The following DNAAF5 variants were observed in gnomAD, a reference collection of about 807,000 sequenced individuals.
DNAAF5 encodes dynein axonemal assembly factor 5.
Under a neutral mutation model 75.8 loss-of-function variants are expected in DNAAF5, and 64 were observed. The ratio of observed to expected loss-of-function variants is 0.84; its 90% confidence interval spans 0.69 to 1.04. DNAAF5 has a LOEUF of 1.04. DNAAF5 is among the 50% of genes least tolerant of loss of function. DNAAF5 has a pLI of 0.00. For missense variants in DNAAF5, 1,269 were observed against 1,178.5 expected (o/e 1.08, Z -1.12); for synonymous variants, 657 against 557.2 (o/e 1.18, Z -2.52).
intron 3 of DNAAF5, 56 bp from the exon 4 acceptor site, chr7:741,291 C>G: frequency 7.5e-7 from 1 of 1,326,684 alleles, no homozygotes; most frequent in South Asian, 1.3e-5. Context: ...CGCAGCCCTG[C>G]GGCCTCCCCT....
chr7:767,662 C>T (rs910275945), intron 8 of DNAAF5, among the ~76,000 whole-genome samples: 12 of 152,156 alleles, frequency 7.9e-5, no homozygotes, highest in African/African-American at 1.2e-4. Flanking sequence ...CAGAAGTGTC[C>T]GTGCTGCAAG....
chr7:734,124 C>G (rs1056444265), intron 2 of DNAAF5, among the ~76,000 whole-genome samples: 4 of 152,190 alleles, frequency 2.6e-5, no homozygotes, highest in African/African-American at 9.7e-5. Flanking sequence ...CTAGCTAGAG[C>G]TTCCAGTACT....
intron 8 of DNAAF5, among the ~76,000 whole-genome samples, chr7:769,558 A>G (rs190602348): frequency 2.6e-5 from 4 of 152,248 alleles, no homozygotes; most frequent in Non-Finnish European, 5.9e-5. Context: ...AGCAGATATT[A>G]AAGAAGTTCT....
chr7:760,024 G>A (rs752172932), intron 6 of DNAAF5, among the ~76,000 whole-genome samples: 3 of 151,726 alleles, frequency 2.0e-5, no homozygotes, highest in Non-Finnish European at 4.4e-5. Context: ...GGGAGTTGGG[G>A]CCACGACAGG....
intron 2 of DNAAF5, among the ~76,000 whole-genome samples, chr7:737,739 T>C (rs147447868): frequency 1.0e-3 from 158 of 152,356 alleles, no homozygotes; most frequent in African/African-American, 3.5e-3. Context: ...GCCAAGCCAC[T>C]GTCTCCTGCC....
At chr7:757,864 A>G (rs566010722) in intron 6 of DNAAF5, among the ~76,000 whole-genome samples, 1 of 152,206 alleles carries the variant, frequency 6.6e-6, no homozygotes, top group Non-Finnish European at 1.5e-5. Flanking sequence ...GGCGGCTTCT[A>G]TGGCCCCAAA....
intron 10 of DNAAF5, among the ~76,000 whole-genome samples, chr7:774,605 CAG>C (rs1299590164): frequency 6.6e-6 from 1 of 152,188 alleles, no homozygotes; most frequent in Admixed American, 6.5e-5. Flanking sequence ...TGTCAGAAAA[CAG>C]ACACTGATGC....
At chr7:772,286 T>C (rs1327963059) in intron 9 of DNAAF5, 1 of 152,264 alleles carries the variant, frequency 6.6e-6, no homozygotes, top group African/African-American at 2.4e-5. Context: ...CTGTAGTAAT[T>C]GCATTGTAGA....
At chr7:749,119 T>A (rs1487546146) in intron 4 of DNAAF5, among the ~76,000 whole-genome samples, 3 of 152,014 alleles carry the variant, frequency 2.0e-5, no homozygotes, top group Non-Finnish European at 2.9e-5. Flanking sequence ...CCAAGCTTCG[T>A]GCTGGGAGGG....
chr7:743,112 C>A (rs1173632982), intron 4 of DNAAF5, among the ~76,000 whole-genome samples: 1 of 152,144 alleles, frequency 6.6e-6, no homozygotes, highest in African/African-American at 2.4e-5. Context: ...CGCCTGTATC[C>A]CAACTACGCG....
chr7:770,709 G>A, intron 9 of DNAAF5, 91 bp downstream of exon 9: 5 of 1,250,816 alleles, frequency 4.0e-6, no homozygotes, highest in South Asian at 1.3e-5. Context: ...TGAGCAAGGG[G>A]GTTCCCACCT....
intron 11 of DNAAF5, among the ~76,000 whole-genome samples, chr7:775,482 C>T (rs1778728191): frequency 6.6e-6 from 1 of 151,900 alleles, no homozygotes. Context: ...GCCTGGGCAA[C>T]AGACCAAAAC....
At chr7:727,344 G>A in intron 1 of DNAAF5, 29 bp downstream of exon 1, 1 of 1,165,702 alleles carries the variant, frequency 8.6e-7, no homozygotes, top group Non-Finnish European at 1.1e-6. Flanking sequence ...GCTCCCACAC[G>A]CCACCCCACA....
At chr7:738,735 A>C (rs1781810831) in intron 2 of DNAAF5, among the ~76,000 whole-genome samples, 1 of 152,214 alleles carries the variant, frequency 6.6e-6, no homozygotes, top group Non-Finnish European at 1.5e-5. Context: ...ACTGATAGAA[A>C]AGGTGGCAGT....
At chr7:764,926 GCA>G (rs1291553954) in intron 8 of DNAAF5, among the ~76,000 whole-genome samples, 3 of 151,998 alleles carry the variant, frequency 2.0e-5, no homozygotes, top group African/African-American at 7.3e-5. Context: ...GAAAAAAACC[GCA>G]CGTGCACCTC....
chr7:750,576 G>C (rs1481770112), intron 4 of DNAAF5, among the ~76,000 whole-genome samples: 1 of 152,166 alleles, frequency 6.6e-6, no homozygotes, highest in Non-Finnish European at 1.5e-5. Context: ...GTTCACAGGA[G>C]GGTTTGCCCT....
chr7:757,181 C>T (rs1056675056), intron 6 of DNAAF5, among the ~76,000 whole-genome samples, 187 bp downstream of exon 6: 5 of 152,272 alleles, frequency 3.3e-5, no homozygotes, highest in Admixed American at 6.5e-5. Flanking sequence ...CTGCAGTAAC[C>T]GGAGTGCCCT....
Position 785,770 on chromosome 7 carries a change from G to A in DNAAF5, c.*117G>A, listed in dbSNP as rs902539789. On this transcript the variant is annotated 3_prime_UTR_variant, in exon 13 of 13. Transcript: ENST00000297440. ...GCAGTGAGACTGTGACAGCAAGAAT[G>A]TACTCCTCAGGACACCTGCCCACTC... The A allele has an allele frequency of 1.2e-5, 15 of 1,212,954 alleles. No individual in the cohort carries two copies. Among genetic ancestry groups the A allele is most frequent in the African/African-American group, 3.0e-5 (2 of 66,268 alleles). The allele number at this position is 1,212,954 out of a possible 1,614,324, so 75.1% of individuals were successfully genotyped here.
intron 5 of DNAAF5, among the ~76,000 whole-genome samples, chr7:756,500 G>A (rs114658522): frequency 2.2e-4 from 33 of 152,312 alleles, no homozygotes; most frequent in African/African-American, 7.9e-4. Context: ...GTCCGATGAG[G>A]GGTGTGTGGT....
Sources: allele counts gnomAD v4.1 joint callset (sites outside exome capture counted in the v4.1 genomes callset), GRCh38; gene constraint gnomAD v4.1.1; transcripts MANE v1.5; gene names NCBI Gene and HGNC (gene_info 2026-07-23, HGNC 2026-07-21).